PLXNA2: variants seen among roughly 807,000 people sequenced by gnomAD.
PLXNA2 encodes plexin A2.
A neutral mutation model predicts 193.5 loss-of-function variants in PLXNA2; 91 were observed. The observed-to-expected ratio is 0.47, with a 90% CI of 0.40 to 0.56. The LOEUF (loss-of-function observed/expected upper bound fraction) is 0.56. PLXNA2 is among the 20% of genes least tolerant of loss of function. PLXNA2 has a pLI of 0.00. For synonymous variants in PLXNA2, 997 were observed against 1,027.3 expected (o/e 0.97, Z 0.56); for missense variants, 1,995 against 2,503.2 (o/e 0.80, Z 4.33).
At position 208,217,329 on chromosome 1, in the gene PLXNA2, C is replaced by A. The variant is rs778103937; in HGVS notation, c.594G>T (p.Leu198=). The part of the protein sequence containing the change: ...VDGKQDYFPT[L]SSRKLPRDPE... ...GGTCTCGGGGCAGCTTCCGGCTGGA[C>A]AGGGTCGGGAAGTAATCCTGCTTCC... is the stretch of plus-strand genomic sequence containing the variant. Residue 198 remains leucine (L), a synonymous_variant, in exon 2 of 32, where the codon CTG becomes CTT. Transcript: ENST00000367033. The surrounding 1 kb of genome is among the most constrained non-coding windows in gnomAD (Gnocchi z 4.7). 5 of 1,614,028 alleles carry A rather than the reference C, an allele frequency of 3.1e-6. No homozygotes were observed. The highest frequency in any genetic ancestry group is 4.2e-6 in the Non-Finnish European group (5 of 1,180,018).
intron 5 of PLXNA2, among the ~76,000 whole-genome samples, chr1:208,100,228 G>T (rs1302885756): frequency 2.0e-5 from 3 of 152,044 alleles, no homozygotes; most frequent in African/African-American, 7.2e-5. Context: ...AATTAGCTGG[G>T]TATGGTGGCA....
chr1:208,240,004 C>T (rs1227829737), intron 1 of PLXNA2, among the ~76,000 whole-genome samples: 2 of 152,210 alleles, frequency 1.3e-5, no homozygotes, highest in Non-Finnish European at 2.9e-5. Context: ...TATTCTTTCA[C>T]CCAAGAGAGA....
intron 12 of PLXNA2, among the ~76,000 whole-genome samples, chr1:208,069,658 G>A (rs72739471): frequency 0.043 from 6,621 of 152,214 alleles, 214 homozygotes; most frequent in Non-Finnish European, 0.068. Context: ...GTCAGGGCAG[G>A]GTTGGGGCCA....
chr1:208,186,272 C>T (rs1009578765), intron 3 of PLXNA2, among the ~76,000 whole-genome samples: 1 of 152,092 alleles, frequency 6.6e-6, no homozygotes, highest in Non-Finnish European at 1.5e-5. Context: ...CACATGTTGA[C>T]ACCATATTTA....
rs1664747495 is a variant in PLXNA2, at chr1:208,038,497, G to A, written c.4661-23C>T. ...ACTCTGGGTGGAGGGGGTGGTGCAG[G>A]GAGCGGCGTGAGAGGGATGAGGGCT... On this transcript the variant is annotated intron_variant, in intron 25 of 31. Coordinates refer to ENST00000367033, the MANE Select transcript of PLXNA2 (RefSeq NM_025179.4). The surrounding 1 kb of genome is among the most constrained non-coding windows in gnomAD (Gnocchi z 4.1). The A allele has an allele frequency of 1.3e-6, 2 of 1,580,280 alleles. No individual in the cohort carries two copies. Among genetic ancestry groups the A allele is most frequent in the African/African-American group, 2.7e-5 (2 of 74,404 alleles).
chr1:208,111,376 T>C (rs1667470065), intron 4 of PLXNA2, among the ~76,000 whole-genome samples: 1 of 152,078 alleles, frequency 6.6e-6, no homozygotes, highest in Non-Finnish European at 1.5e-5. Flanking sequence ...TGGACTTCTG[T>C]TTTTAAGCTT....
chr1:208,225,161 G>A (rs972786376), intron 1 of PLXNA2, among the ~76,000 whole-genome samples: 1 of 152,194 alleles, frequency 6.6e-6, no homozygotes, highest in Non-Finnish European at 1.5e-5. Context: ...TGGGGCACAA[G>A]TGCAGGGGCT....
At chr1:208,057,351 C>G (rs944284303) in intron 13 of PLXNA2, among the ~76,000 whole-genome samples, 9 of 152,184 alleles carry the variant, frequency 5.9e-5, no homozygotes, top group African/African-American at 2.2e-4. Flanking sequence ...ATGCTTCTGA[C>G]CACTCCCCTC....
chr1:208,122,185 A>G (rs1199066416), intron 4 of PLXNA2, among the ~76,000 whole-genome samples: 2 of 152,246 alleles, frequency 1.3e-5, no homozygotes, highest in African/African-American at 4.8e-5. Context: ...GATATCACCC[A>G]TAAACGGCTA....
intron 11 of PLXNA2, among the ~76,000 whole-genome samples, chr1:208,080,936 T>C (rs1666317920): frequency 6.6e-6 from 1 of 152,170 alleles, no homozygotes; most frequent in Admixed American, 6.5e-5. Flanking sequence ...CCTGAGTCTT[T>C]AAATGGTGTG....
rs1312125242 is a variant in PLXNA2, at chr1:208,092,852, G to A, written c.2031C>T (p.Tyr677=). The change falls in exon 9 of 32, where the codon TAC becomes TAT. Residue 677 remains tyrosine, a synonymous_variant. Coordinates refer to ENST00000367033, the MANE Select transcript of PLXNA2 (RefSeq NM_025179.4). ...NSAFRCHWCK[Y]RNLCTHDPTT... ...TGGGGTCATGAGTGCAGAGGTTGCG[G>A]TACTTGCACCAATGGCAGCGGAAGG... 1.9e-6 allele frequency: 3 copies of A among 1,613,884 alleles called. No homozygotes were observed. Among genetic ancestry groups the A allele is most frequent in the Admixed American group, 1.7e-5 (1 of 60,006 alleles).
chr1:208,174,163 T>C (rs937862014), intron 3 of PLXNA2, among the ~76,000 whole-genome samples: 1 of 152,234 alleles, frequency 6.6e-6, no homozygotes, highest in African/African-American at 2.4e-5. Context: ...CTAGGCCACT[T>C]GCCTGGTCAT....
Position 208,034,522 on chromosome 1 carries a change from C to G in PLXNA2, c.4835G>C (p.Ser1612Thr). The G allele has an allele frequency of 6.2e-7, 1 of 1,613,776 alleles. No homozygotes were observed. Among genetic ancestry groups the G allele is most frequent in the Non-Finnish European group, 8.5e-7 (1 of 1,179,682 alleles). The change falls in exon 27 of 32, where the codon AGC becomes ACC. Residue 1612 changes from serine (S) to threonine (T), a missense_variant. By Grantham distance (58) the Ser-to-Thr change is moderately conservative. This residue lies in a region of PLXNA2 where 1,291 missense variants were observed against 1,673.6 expected (regional missense o/e 0.77). Coordinates refer to ENST00000367033, the MANE Select transcript of PLXNA2 (RefSeq NM_025179.4). Reference protein sequence around the residue: ...TSSYNIPASASISRTSISRYD... With the variant: ...TSSYNIPASATISRTSISRYD... ...TCTGCTGATGGACGTCCGGGAGATG[C>G]TGGCAGAGGCAGGGATGTTGTAGGA... is the stretch of plus-strand genomic sequence containing the variant.
chr1:208,199,516 C>A (rs1308149725), intron 3 of PLXNA2, among the ~76,000 whole-genome samples: 1 of 152,052 alleles, frequency 6.6e-6, no homozygotes, highest in East Asian at 1.9e-4. Flanking sequence ...CATGTTGAAA[C>A]CCCGTCTCTA....
In PLXNA2 at chr1:208,044,470, A is replaced by G; in HGVS notation, c.3874+38T>C. 2 of 1,455,462 alleles carry G rather than the reference A, an allele frequency of 1.4e-6. No homozygotes were observed. Among genetic ancestry groups the G allele is most frequent in the South Asian group, 2.3e-5 (2 of 87,804 alleles). 90.2% of individuals were successfully genotyped at this position (1,455,462 alleles called of 1,614,324 possible). A position where few individuals can be genotyped will look rare whatever the true frequency, so the allele number is the denominator to read the frequency against. ...AGAAGGGCAATAAGGCAGGTGGAGA[A>G]AGAGGGACCCAGCAAATGAGGGTGT... is the stretch of plus-strand genomic sequence containing the variant. On this transcript the variant is annotated intron_variant, in intron 20 of 31. Coordinates refer to ENST00000367033, the MANE Select transcript of PLXNA2 (RefSeq NM_025179.4). This position sits in a 1 kb window ranked among gnomAD's most constrained non-coding sequence, Gnocchi z 4.9.
intron 12 of PLXNA2, among the ~76,000 whole-genome samples, chr1:208,073,601 T>G (rs1489182587): frequency 6.6e-6 from 1 of 152,212 alleles, no homozygotes. Context: ...ATCAGAATGC[T>G]CACTCTTATG....
intron 8 of PLXNA2, among the ~76,000 whole-genome samples, chr1:208,095,078 C>T (rs765029695): frequency 2.8e-4 from 43 of 152,282 alleles, no homozygotes; most frequent in South Asian, 1.2e-3. Context: ...GTAAACATTC[C>T]GAATCACTGC....
intron 22 of PLXNA2, among the ~76,000 whole-genome samples, chr1:208,041,167 T>G (rs1042570836): frequency 6.6e-6 from 1 of 152,188 alleles, no homozygotes; most frequent in African/African-American, 2.4e-5. Flanking sequence ...AATGCTCAGA[T>G]TGGCAGGATG....
intron 12 of PLXNA2, 94 bp downstream of exon 12, chr1:208,079,166 T>G: frequency 9.1e-7 from 1 of 1,095,002 alleles, no homozygotes; most frequent in South Asian, 1.5e-5. Flanking sequence ...ACGCCAATAA[T>G]TTGTCCACAG....
Sources: allele counts gnomAD v4.1 joint callset (sites outside exome capture counted in the v4.1 genomes callset), GRCh38; gene constraint gnomAD v4.1.1; regional missense constraint gnomAD v4.1.1; non-coding constraint Gnocchi (gnomAD v3.1); transcripts MANE v1.5; gene names NCBI Gene and HGNC (gene_info 2026-07-23, HGNC 2026-07-21).